ST18: variants seen among roughly 807,000 people sequenced by gnomAD.
ST18 encodes suppression of tumorigenicity 18 protein.
In ST18, 50 loss-of-function variants were observed where a neutral mutation model predicts 110.0. The ratio of observed to expected loss-of-function variants is 0.45; its 90% CI spans 0.36 to 0.58. ST18 has a LOEUF of 0.58. Among genes scored for constraint, ST18 ranks in the 20% least tolerant of loss-of-function variants. ST18 has a pLI of 0.00. For missense variants in ST18, 1,306 were observed against 1,280.1 expected (o/e 1.02, Z -0.31); for synonymous variants, 461 against 452.4 (o/e 1.02, Z -0.24).
At chr8:52,312,347 T>A (rs1225381593) in intron 2 of ST18, among the ~76,000 whole-genome samples, 2 of 152,230 alleles carry the variant, frequency 1.3e-5, no homozygotes, top group Non-Finnish European at 2.9e-5. Context: ...CTCCAGTAGT[T>A]AATGCCTTCA....
At chr8:52,186,344 G>C (rs2072205873) in intron 8 of ST18, among the ~76,000 whole-genome samples, 1 of 152,160 alleles carries the variant, frequency 6.6e-6, no homozygotes. Flanking sequence ...CGTCTCCAGG[G>C]AAATGCAAAC....
chr8:52,266,949 A>G (rs57347886), intron 2 of ST18, among the ~76,000 whole-genome samples: 8,564 of 152,114 alleles, frequency 0.056, 807 homozygotes, highest in African/African-American at 0.2. Context: ...GAGCTGAGGG[A>G]TCTCTGGAGA....
At chr8:52,334,973 C>A (rs1008020801) in intron 2 of ST18, among the ~76,000 whole-genome samples, 1 of 152,062 alleles carries the variant, frequency 6.6e-6, no homozygotes, top group Admixed American at 6.6e-5. Flanking sequence ...AATGTTGCCA[C>A]AATTTGTTGA....
At chr8:52,235,481 G>C (rs560768826) in intron 2 of ST18, among the ~76,000 whole-genome samples, 1 of 152,290 alleles carries the variant, frequency 6.6e-6, no homozygotes, top group African/African-American at 2.4e-5. Flanking sequence ...GGAACCAGCT[G>C]ACTAATTGTT....
At chr8:52,367,155 C>A (rs1013612877) in intron 2 of ST18, among the ~76,000 whole-genome samples, 1 of 151,190 alleles carries the variant, frequency 6.6e-6, no homozygotes, top group African/African-American at 2.4e-5. Flanking sequence ...TCGCTTGAAT[C>A]CGGGAGGTAG....
chr8:52,250,430 G>T (rs1336748938), intron 2 of ST18, among the ~76,000 whole-genome samples: 1 of 98,148 alleles, frequency 1.0e-5, no homozygotes, highest in African/African-American at 4.0e-5. Context: ...TGACACTGTG[G>T]AAGAGCCTCA....
At chr8:52,198,861 A>C (rs772429176) in intron 8 of ST18, among the ~76,000 whole-genome samples, 10 of 152,172 alleles carry the variant, frequency 6.6e-5, no homozygotes, top group Non-Finnish European at 1.5e-4. Context: ...CCCCTTCCAC[A>C]TGTACCTGTG....
intron 2 of ST18, among the ~76,000 whole-genome samples, chr8:52,362,996 G>A (rs1461511355): frequency 6.6e-6 from 1 of 152,190 alleles, no homozygotes; most frequent in Non-Finnish European, 1.5e-5. Flanking sequence ...CGGATCACGA[G>A]GTCAGGAGAT....
intron 2 of ST18, among the ~76,000 whole-genome samples, chr8:52,372,041 A>T (rs1258522578): frequency 6.6e-6 from 1 of 152,200 alleles, no homozygotes; most frequent in Admixed American, 6.5e-5. Flanking sequence ...GAGGGATTAC[A>T]GAAGAAGGTA....
intron 2 of ST18, among the ~76,000 whole-genome samples, chr8:52,263,320 A>G (rs140730959): frequency 6.6e-6 from 1 of 152,210 alleles, no homozygotes; most frequent in Non-Finnish European, 1.5e-5. Context: ...CAAGCTACCT[A>G]CATAATCCCA....
intron 2 of ST18, among the ~76,000 whole-genome samples, chr8:52,352,487 G>T (rs1036720117): frequency 1.3e-5 from 2 of 152,152 alleles, no homozygotes; most frequent in Non-Finnish European, 2.9e-5. Context: ...CAGAATCCAT[G>T]TGTGCATCTC....
At chr8:52,259,660 C>T (rs573143570) in intron 2 of ST18, among the ~76,000 whole-genome samples, 17 of 152,220 alleles carry the variant, frequency 1.1e-4, no homozygotes, top group East Asian at 3.9e-4. Flanking sequence ...TTATGCCATG[C>T]GCTGTTCTGA....
At chr8:52,278,566 C>A (rs1182741901) in intron 2 of ST18, among the ~76,000 whole-genome samples, 1 of 152,118 alleles carries the variant, frequency 6.6e-6, no homozygotes, top group Middle Eastern at 3.2e-3. Context: ...CATCTACCCC[C>A]AACCCCTGCT....
chr8:52,288,969 A>G (rs1363143650), intron 2 of ST18, among the ~76,000 whole-genome samples: 1 of 152,060 alleles, frequency 6.6e-6, no homozygotes, highest in Non-Finnish European at 1.5e-5. Context: ...GCACGTGTGC[A>G]AGGTCCTGGA....
At position 52,142,984 on chromosome 8, in the gene ST18, A is replaced by G. The variant is rs374695977; in HGVS notation, c.2114T>C (p.Ile705Thr). The G allele has an allele frequency of 9.9e-6, 16 of 1,614,054 alleles. No homozygotes were observed. The East Asian group carries it at 1.1e-4, about 11-fold the overall frequency. Residue 705 changes from isoleucine to threonine, a missense_variant, in exon 17 of 26, where the codon ATA becomes ACA. Transcript: ENST00000689386. ...ATGAAGCTTGGGTTTAGGGCTTGGTATAGAGGCCTCTCCAGGAAACTTTTT... is the reference window on the plus strand; with the variant it reads ...ATGAAGCTTGGGTTTAGGGCTTGGTGTAGAGGCCTCTCCAGGAAACTTTTT... ...EEKKFPGEAS[I>T]PSPKPKLHAR...
Position 52,116,339 on chromosome 8 carries a change from T to C in ST18, c.2939A>G (p.Lys980Arg). The C allele has an allele frequency of 6.2e-7, 1 of 1,614,048 alleles. No homozygotes were observed. The highest frequency in any genetic ancestry group is 8.5e-7 in the Non-Finnish European group (1 of 1,179,958). ...LIEQNNESLL[K>R]ELAGLSQALI... ...AGCTTGGCTTAGACCTGCCAGCTCTTTCAGCAGACTTTCATTGTTCTGTTC... is the reference window on the plus strand; with the variant it reads ...AGCTTGGCTTAGACCTGCCAGCTCTCTCAGCAGACTTTCATTGTTCTGTTC... Residue 980 changes from lysine to arginine, a missense_variant, in exon 25 of 26, where the codon AAA (lysine) becomes AGA (arginine). Coordinates refer to ENST00000689386, the MANE Select transcript of ST18 (RefSeq NM_001352837.2).
At chr8:52,264,607 C>T (rs1353343484) in intron 2 of ST18, among the ~76,000 whole-genome samples, 1 of 152,170 alleles carries the variant, frequency 6.6e-6, no homozygotes, top group African/African-American at 2.4e-5. Context: ...TGACTTTTGT[C>T]CTCATGGTTT....
At position 52,172,594 on chromosome 8, in the gene ST18, A is replaced by G; in HGVS notation, c.278-11T>C. The G allele has an allele frequency of 2.6e-6, 4 of 1,542,466 alleles. No homozygotes were observed. Among genetic ancestry groups the G allele is most frequent in the Non-Finnish European group, 3.5e-6 (4 of 1,150,200 alleles). On this transcript the variant is annotated splice_polypyrimidine_tract_variant and intron_variant, in intron 9 of 25. Transcript: ENST00000689386. ...TTATCATGATTTCCTCTATGGAAAA[A>G]GAAAACCAATATTTGAAGAGCAAGA...
intron 2 of ST18, among the ~76,000 whole-genome samples, chr8:52,338,742 C>G (rs940469680): frequency 6.6e-6 from 1 of 151,650 alleles, no homozygotes; most frequent in Non-Finnish European, 1.5e-5. Context: ...TTCTGTTTCT[C>G]TTTCTTTTTT....
Sources: allele counts gnomAD v4.1 joint callset (sites outside exome capture counted in the v4.1 genomes callset), GRCh38; gene constraint gnomAD v4.1.1; transcripts MANE v1.5; gene names NCBI Gene and HGNC (gene_info 2026-07-23, HGNC 2026-07-21).